Variants in PNKD observed in about 807,000 individuals in gnomAD.
PNKD encodes probable thioesterase PNKD.
Under a neutral mutation model 45.3 loss-of-function variants are expected in PNKD, and 36 were observed. The ratio of observed to expected loss-of-function variants is 0.80; its 90% CI spans 0.61 to 1.05. The LOEUF (loss-of-function observed/expected upper bound fraction) is 1.05. Among genes scored for constraint, PNKD ranks in the 50% least tolerant of loss-of-function variants. The pLI is 0.00. For missense variants in PNKD, 511 were observed against 506.6 expected, an observed-to-expected ratio of 1.01 and a Z score of -0.08; for synonymous variants, 197 against 210.1, an observed-to-expected ratio of 0.94 and a Z score of 0.54.
intron 2 of PNKD, among the ~76,000 whole-genome samples, chr2:218,288,703 A>G (rs1692718847): frequency 6.6e-6 from 1 of 152,206 alleles, no homozygotes; most frequent in Admixed American, 6.5e-5. Flanking sequence ...TCCAAAATCC[A>G]TGTGCTTCTG....
rs1694695921 is a variant in PNKD, at chr2:218,342,087, C to T, written c.724C>T (p.Pro242Ser). 1 of 1,613,352 alleles carries T rather than the reference C, an allele frequency of 6.2e-7. No individual in the cohort carries two copies. Among genetic ancestry groups the T allele is most frequent in the Non-Finnish European group, 8.5e-7 (1 of 1,179,360 alleles). ...TCTGGTCTACCTACTGGATGGGGAGCCCTACAAGGGTCCCTCCTGCCTCTT... is the reference window on the plus strand; with the variant it reads ...TCTGGTCTACCTACTGGATGGGGAGTCCTACAAGGGTCCCTCCTGCCTCTT... ...GHLVYLLDGE[P>S]YKGPSCLFSG... The change falls in exon 7 of 10, where the codon CCC (proline) becomes TCC (serine). Residue 242 changes from proline (P) to serine (S), a missense_variant. Physicochemically the swap from Pro to Ser is moderately conservative, Grantham distance 74 (BLOSUM62 -1). Coordinates refer to ENST00000273077, the MANE Select transcript of PNKD (RefSeq NM_015488.5).
At chr2:218,272,423 C>T (rs1173694738) in intron 2 of PNKD, 1 of 726,634 alleles carries the variant, frequency 1.4e-6, no homozygotes, top group East Asian at 2.7e-5. Context: ...TTGTGTGGGT[C>T]CCTCCAGCAG....
chr2:218,276,341 C>G (rs968699184), intron 2 of PNKD, among the ~76,000 whole-genome samples: 2 of 152,148 alleles, frequency 1.3e-5, no homozygotes, highest in Non-Finnish European at 2.9e-5. Context: ...TACTATACTT[C>G]TAGAAAAAAA....
intron 2 of PNKD, among the ~76,000 whole-genome samples, chr2:218,315,053 T>TTCCTTCCTTC (rs1553667757): frequency 4.2e-5 from 2 of 47,928 alleles, no homozygotes; most frequent in Admixed American, 2.8e-4. Context: ...TTTCTTTCTT[T>TTCCTTCCTTC]CTTTCTTCCT....
rs1257341110 is a variant in PNKD at position 218,323,087 on chromosome 2, G to A, written c.237-16696G>A. 7 of 1,056,852 alleles carry A rather than the reference G, an allele frequency of 6.6e-6. No individual in the cohort carries two copies. The African/African-American group carries it at 8.4e-5, about 13-fold the overall frequency. The allele number at this position is 1,056,852 out of a possible 1,614,324, so 65.5% of individuals were successfully genotyped here. On this transcript the variant is annotated intron_variant, in intron 2 of 9. Transcript: ENST00000273077. Reference sequence around the variant, plus strand: ...CCGCCCCCCAAGCCGGGTGGCCTTCGGGGTGCTTGCCCGGCTGGAGGTGGT... The same window carrying A: ...CCGCCCCCCAAGCCGGGTGGCCTTCAGGGTGCTTGCCCGGCTGGAGGTGGT...
chr2:218,312,798 G>A (rs578023281), intron 2 of PNKD, among the ~76,000 whole-genome samples: 3 of 152,028 alleles, frequency 2.0e-5, no homozygotes, highest in Admixed American at 1.3e-4. Flanking sequence ...TCTTGAACCC[G>A]GGAAGCAGAA....
At chr2:218,283,025 ATGTTC>A (rs1692191907) in intron 2 of PNKD, among the ~76,000 whole-genome samples, 1 of 152,116 alleles carries the variant, frequency 6.6e-6, no homozygotes, top group South Asian at 2.1e-4. Context: ...GGGGAGACAG[ATGTTC>A]TGAATCCCAG....
At chr2:218,287,500 G>A (rs1245739792) in intron 2 of PNKD, among the ~76,000 whole-genome samples, 1 of 152,132 alleles carries the variant, frequency 6.6e-6, no homozygotes, top group East Asian at 1.9e-4. Context: ...ACGAGGTCAG[G>A]AGATCAAGAC....
intron 2 of PNKD, among the ~76,000 whole-genome samples, chr2:218,293,320 C>T (rs1338374671): frequency 6.6e-6 from 1 of 152,218 alleles, no homozygotes; most frequent in African/African-American, 2.4e-5. Flanking sequence ...GTGACTCACA[C>T]CTGCGATCCT....
At chr2:218,272,672 G>C in intron 2 of PNKD, 1 of 1,614,234 alleles carries the variant, frequency 6.2e-7, no homozygotes, top group South Asian at 1.1e-5. Context: ...ACATGCGGTT[G>C]TCCAACACGG....
intron 2 of PNKD, among the ~76,000 whole-genome samples, chr2:218,331,166 G>T (rs1485003646): frequency 1.3e-5 from 2 of 152,212 alleles, no homozygotes; most frequent in Non-Finnish European, 2.9e-5. Context: ...TGTAATCCCA[G>T]CACTTTGGGA....
intron 2 of PNKD, chr2:218,277,954 A>C: frequency 6.2e-7 from 1 of 1,614,214 alleles, no homozygotes; most frequent in South Asian, 1.1e-5. Context: ...CAGCAGAATG[A>C]TGTTCCATGG....
intron 7 of PNKD, 71 bp downstream of exon 7, chr2:218,342,215 A>G (rs1694701078): frequency 7.7e-7 from 1 of 1,301,812 alleles, no homozygotes; most frequent in East Asian, 2.3e-5. Context: ...CCACAGTCCC[A>G]TGGAGAGCAC....
Position 218,345,415 on chromosome 2 carries a change from C to A in PNKD, c.*434C>A, listed in dbSNP as rs1694803520. On this transcript the variant is annotated 3_prime_UTR_variant, in exon 10 of 10. Transcript: ENST00000273077. ...ATCCATGGTTGGGAAAGAAGCTCAGCCCCTCACAGTGGCCTCAAGTGTGAT... is the reference window on the plus strand; with the variant it reads ...ATCCATGGTTGGGAAAGAAGCTCAGACCCTCACAGTGGCCTCAAGTGTGAT... 2.3e-5 allele frequency: 4 copies of A among 177,182 alleles called. No individual in the cohort carries two copies. The South Asian group carries it at 5.3e-4, about 24-fold the overall frequency. The allele number at this position is 177,182 out of a possible 1,614,324, so 11.0% of individuals were successfully genotyped here.
rs750386441 is a variant in PNKD, at chr2:218,343,550, G to C, written c.832G>C (p.Val278Leu). ...AETMLSSLDT[V>L]LGLGDDTLLW... Reference sequence around the variant, plus strand: ...GACCATGCTGAGCTCACTGGACACTGTGCTGGGGCTAGGGGATGACACCCT... The same window carrying C: ...GACCATGCTGAGCTCACTGGACACTCTGCTGGGGCTAGGGGATGACACCCT... The change falls in exon 8 of 10, where the codon GTG (valine) becomes CTG (leucine). Residue 278 changes from valine to leucine, a missense_variant. Val to Leu is a conservative substitution (Grantham distance 32). Coordinates refer to ENST00000273077, the MANE Select transcript of PNKD (RefSeq NM_015488.5). 1 of 1,613,614 alleles carries C rather than the reference G, an allele frequency of 6.2e-7. No individual in the cohort carries two copies. The highest frequency in any genetic ancestry group is 8.5e-7 in the Non-Finnish European group (1 of 1,179,816).
chr2:218,330,321 C>A (rs903655094), intron 2 of PNKD, among the ~76,000 whole-genome samples: 1 of 152,112 alleles, frequency 6.6e-6, no homozygotes, highest in Admixed American at 6.5e-5. Flanking sequence ...AATGGCCCCA[C>A]GGAGGAGAGA....
chr2:218,341,029 A>C (rs1360906125), intron 5 of PNKD: 4 of 587,882 alleles, frequency 6.8e-6, no homozygotes, highest in Non-Finnish European at 9.1e-6. Context: ...TTTCATGGGC[A>C]TGTATTAGAT....
chr2:218,272,036 TTGAGA>T (rs1234405566), intron 2 of PNKD, among the ~76,000 whole-genome samples: 14 of 152,230 alleles, frequency 9.2e-5, no homozygotes, highest in Middle Eastern at 3.2e-3. Flanking sequence ...GTTTTAGTGT[TTGAGA>T]TAAGTATTAC....
intron 2 of PNKD, among the ~76,000 whole-genome samples, chr2:218,327,629 A>C (rs931778664): frequency 1.3e-5 from 2 of 152,108 alleles, no homozygotes; most frequent in Non-Finnish European, 2.9e-5. Flanking sequence ...CATTGCCGAC[A>C]GTATGGAGCC....
Sources: gnomAD v4.1 joint callset for allele counts (sites outside exome capture counted in the v4.1 genomes callset) on GRCh38, gnomAD v4.1.1 for gene constraint, MANE v1.5 for transcripts, NCBI Gene and HGNC (gene_info 2026-07-23, HGNC 2026-07-21) for gene names.